The following PTK2B variants were observed in gnomAD, a reference collection of about 807,000 sequenced individuals.
PTK2B encodes protein tyrosine kinase 2 beta, also known as protein-tyrosine kinase 2-beta.
A neutral mutation model predicts 142.9 loss-of-function variants in PTK2B; 71 were observed. The observed-to-expected ratio is 0.50, with a 90% confidence interval of 0.41 to 0.61. PTK2B has a LOEUF of 0.61. Among genes scored for constraint, PTK2B ranks in the 20% least tolerant of loss-of-function variants. The probability of loss-of-function intolerance (pLI) is 0.00; values close to 1 mark genes in which losing one functional copy is unlikely to be tolerated. For synonymous variants in PTK2B, 519 were observed against 503.4 expected (o/e 1.03, Z -0.42); for missense variants, 1,105 against 1,320.4 (o/e 0.84, Z 2.53).
intron 1 of PTK2B, among the ~76,000 whole-genome samples, chr8:27,369,397 T>C (rs1204784900): frequency 6.6e-6 from 1 of 152,198 alleles, no homozygotes; most frequent in African/African-American, 2.4e-5. Context: ...AGGCTTAGTG[T>C]GGTGACTCAC....
chr8:27,373,009 C>T (rs866785471), intron 1 of PTK2B, among the ~76,000 whole-genome samples: 1 of 152,256 alleles, frequency 6.6e-6, no homozygotes, highest in Non-Finnish European at 1.5e-5. Flanking sequence ...CATCCATTCT[C>T]ATAAGGCAAG....
intron 1 of PTK2B, among the ~76,000 whole-genome samples, chr8:27,359,877 AG>A (rs1204229748): frequency 6.6e-6 from 1 of 152,086 alleles, no homozygotes; most frequent in African/African-American, 2.4e-5. Flanking sequence ...CTGCCTCACA[AG>A]GGTCTGGAGC....
chr8:27,380,468 C>G (rs189441581), intron 1 of PTK2B, among the ~76,000 whole-genome samples: 1 of 152,028 alleles, frequency 6.6e-6, no homozygotes, highest in African/African-American at 2.4e-5. Flanking sequence ...TTGGAAGCCT[C>G]GTGGCTGGAA....
In PTK2B at chr8:27,435,789, C is replaced by T. The variant is rs55853846; in HGVS notation, c.1239C>T (p.Pro413=). 4.8e-3 allele frequency: 7,767 copies of T among 1,614,000 alleles called. 334 individuals carry two copies. In the African/African-American group the frequency reaches 0.09, roughly 19 times the overall value. The change falls in exon 14 of 31, where the codon CCC becomes CCT. Residue 413 remains proline (P), a synonymous_variant. Coordinates refer to ENST00000346049, the MANE Select transcript of PTK2B (RefSeq NM_173176.3). ...TTCCCGACGAAACCCTGCGAAGGCC[C>T]GGAGGTAGGTTCTCGACCCCGCCAC... The part of the protein sequence containing the change: ...AEIPDETLRR[P]GGPQYGIARE...
upstream of PTK2B, chr8:27,310,747 G>A (rs775173725): frequency 1.4e-4 from 210 of 1,521,828 alleles, no homozygotes; most frequent in Non-Finnish European, 1.8e-4. Flanking sequence ...CAGAGCCAAG[G>A]GATTCCGGGT....
intron 20 of PTK2B, 36 bp from the exon 21 acceptor site, chr8:27,440,198 TCTC>T (rs1313695940): frequency 6.3e-7 from 1 of 1,598,598 alleles, no homozygotes; most frequent in Non-Finnish European, 8.6e-7. Context: ...GAGGGACTGG[TCTC>T]CCCCACCCAG....
intron 1 of PTK2B, among the ~76,000 whole-genome samples, chr8:27,366,485 A>G (rs896142808): frequency 1.3e-5 from 2 of 152,222 alleles, no homozygotes; most frequent in Admixed American, 1.3e-4. Flanking sequence ...AAGTCTTTCC[A>G]CCAGCCAGAT....
intron 1 of PTK2B, among the ~76,000 whole-genome samples, chr8:27,334,421 T>C (rs1563469062): frequency 6.6e-6 from 1 of 152,164 alleles, no homozygotes; most frequent in Admixed American, 6.5e-5. Flanking sequence ...CTGTTTGGAA[T>C]GCCAGCCCCA....
chr8:27,422,865 G>GTA (rs1311594382), intron 5 of PTK2B, among the ~76,000 whole-genome samples: 2 of 152,194 alleles, frequency 1.3e-5, no homozygotes, highest in Non-Finnish European at 2.9e-5. Flanking sequence ...TGACAGATGT[G>GTA]TATACAATTA....
At chr8:27,347,278 G>A (rs2130349104) in intron 1 of PTK2B, among the ~76,000 whole-genome samples, 1 of 152,142 alleles carries the variant, frequency 6.6e-6, no homozygotes, top group East Asian at 1.9e-4. Flanking sequence ...TACTTGGGAG[G>A]CTGAGGCAGG....
chr8:27,367,835 C>T (rs1806111995), intron 1 of PTK2B, among the ~76,000 whole-genome samples: 1 of 152,232 alleles, frequency 6.6e-6, no homozygotes, highest in Non-Finnish European at 1.5e-5. Context: ...AAACTCATTA[C>T]ATGGGGAAGG....
intron 1 of PTK2B, among the ~76,000 whole-genome samples, chr8:27,365,112 A>G (rs1273790073): frequency 6.6e-6 from 1 of 152,122 alleles, no homozygotes; most frequent in African/African-American, 2.4e-5. Context: ...TCCAACTCAT[A>G]TCCTGCCTTT....
chr8:27,439,218 G>A lies in PTK2B; in HGVS notation c.1744+87G>A, dbSNP rs1459236059. The A allele has an allele frequency of 3.2e-6, 5 of 1,564,232 alleles. No homozygotes were observed. The African/African-American group carries it at 4.1e-5, about 13-fold the overall frequency. On this transcript the variant is annotated intron_variant, in intron 19 of 30. Coordinates refer to ENST00000346049, the MANE Select transcript of PTK2B (RefSeq NM_173176.3). Reference sequence around the variant, plus strand: ...GAAGAAGGAAGTCTACAGTTGGACAGCCCAGGCTAAGGGTCTTCAGAAAGT... The same window carrying A: ...GAAGAAGGAAGTCTACAGTTGGACAACCCAGGCTAAGGGTCTTCAGAAAGT...
intron 2 of PTK2B, among the ~76,000 whole-genome samples, chr8:27,403,055 C>G (rs115734789): frequency 0.017 from 2,539 of 152,314 alleles, 27 homozygotes; most frequent in Middle Eastern, 0.051. Flanking sequence ...GTCTGGGACC[C>G]TCTTGGAGCA....
chr8:27,328,019 G>A (rs1803522879), intron 1 of PTK2B, among the ~76,000 whole-genome samples: 1 of 152,204 alleles, frequency 6.6e-6, no homozygotes, highest in South Asian at 2.1e-4. Flanking sequence ...GAAATACATA[G>A]TAGGGTTCAT....
rs115713701 is a variant in PTK2B, at chr8:27,400,581, A to T, written c.204+2793A>T. ...GAGATAAATCAACGTAATTGAGTAC[A>T]TCTAAGGAGACAGAGTCAATAGAAT... On this transcript the variant is annotated intron_variant, in intron 2 of 30. Transcript: ENST00000346049. Among the ~76,000 whole-genome samples the T allele has an allele frequency of 6.6e-3, 1,001 of 152,306 alleles. 12 individuals are homozygous for T. Among genetic ancestry groups the T allele is most frequent in the African/African-American group, 0.023 (964 of 41,548 alleles).
chr8:27,451,181 A>G, intron 26 of PTK2B, 103 bp downstream of exon 26: 1 of 1,352,488 alleles, frequency 7.4e-7, no homozygotes, highest in Non-Finnish European at 1.0e-6. Flanking sequence ...AGGCCTGCCC[A>G]GCTCCTCCTC....
upstream of PTK2B, chr8:27,310,942 C>A (rs756802564): frequency 2.5e-6 from 4 of 1,612,660 alleles, no homozygotes; most frequent in Admixed American, 1.7e-5. Context: ...GGCAGACACG[C>A]GAGAAGCGGT....
intron 28 of PTK2B, 38 bp downstream of exon 28, chr8:27,453,198 G>A (rs373133889): frequency 6.8e-6 from 11 of 1,610,996 alleles, no homozygotes; most frequent in Middle Eastern, 1.6e-4. Flanking sequence ...AAATGAGAGT[G>A]GGGGTTGCAC....
Sources: allele counts gnomAD v4.1 joint callset (sites outside exome capture counted in the v4.1 genomes callset), GRCh38; gene constraint gnomAD v4.1.1; transcripts MANE v1.5; gene names NCBI Gene and HGNC (gene_info 2026-07-23, HGNC 2026-07-21).